Variants in RBFOX1 observed in about 807,000 individuals in gnomAD.
RBFOX1 encodes the protein RNA binding protein fox-1 homolog 1.
Under a neutral mutation model 57.7 loss-of-function variants are expected in RBFOX1, and 8 were observed. That is an observed-to-expected ratio of 0.14 (90% CI 0.08 to 0.25). RBFOX1 has a LOEUF of 0.25. Among genes scored for constraint, RBFOX1 ranks in the 10% least tolerant of loss-of-function variants. The pLI, the probability that RBFOX1 is intolerant of heterozygous loss-of-function variation, is 1.00. For synonymous variants in RBFOX1, 326 were observed against 222.4 expected (o/e 1.47, Z -4.15); for missense variants, 611 against 548.5 (o/e 1.11, Z -1.14).
intron 2 of RBFOX1, among the ~76,000 whole-genome samples, chr16:6,488,459 T>C (rs1294046925): frequency 6.6e-6 from 1 of 152,188 alleles, no homozygotes; most frequent in Non-Finnish European, 1.5e-5. Context: ...CATCAGACAT[T>C]GGACGAGGAG....
intron 11 of RBFOX1, among the ~76,000 whole-genome samples, chr16:7,645,397 C>T (rs2215277): frequency 3.9e-5 from 6 of 151,986 alleles, no homozygotes; most frequent in African/African-American, 1.5e-4. Context: ...GGGACAATCC[C>T]TGAGTCATTT....
chr16:6,748,461 G>C (rs1241589068), intron 3 of RBFOX1, among the ~76,000 whole-genome samples: 11 of 152,068 alleles, frequency 7.2e-5, no homozygotes, highest in Admixed American at 7.2e-4. Context: ...AGGAGTTCAA[G>C]ACCAGCCTGG....
chr16:5,846,103 A>G (rs1256625285), intron 3 of RBFOX1, among the ~76,000 whole-genome samples: 1 of 151,800 alleles, frequency 6.6e-6, no homozygotes, highest in Non-Finnish European at 1.5e-5. Flanking sequence ...AATCACTTGA[A>G]CCTTGGAGGC....
At chr16:7,394,222 C>T (rs190658726) in intron 4 of RBFOX1, among the ~76,000 whole-genome samples, 2 of 90,888 alleles carry the variant, frequency 2.2e-5, no homozygotes, top group African/African-American at 4.6e-5. Context: ...GGCAACAGAG[C>T]AAGACTCCGC....
intron 4 of RBFOX1, among the ~76,000 whole-genome samples, chr16:7,508,704 C>T (rs1229380299): frequency 6.6e-6 from 1 of 152,128 alleles, no homozygotes; most frequent in Non-Finnish European, 1.5e-5. Context: ...AAACCTCGCC[C>T]AGGGGCCACC....
At chr16:7,367,786 C>T in intron 4 of RBFOX1, among the ~76,000 whole-genome samples, 1 of 151,788 alleles carries the variant, frequency 6.6e-6, no homozygotes, top group East Asian at 1.9e-4. Context: ...TCTGATATTT[C>T]AAAAGAAGGT....
chr16:6,880,147 C>G (rs777968577), intron 3 of RBFOX1, among the ~76,000 whole-genome samples: 1 of 152,090 alleles, frequency 6.6e-6, no homozygotes, highest in African/African-American at 2.4e-5. Flanking sequence ...GTTAGATGCA[C>G]AGTTCTCTAA....
chr16:6,917,056 G>C (rs374400615), intron 3 of RBFOX1, among the ~76,000 whole-genome samples: 16 of 152,166 alleles, frequency 1.1e-4, no homozygotes, highest in African/African-American at 3.9e-4. Context: ...CCATGTTGTT[G>C]GACAGGCTAG....
chr16:7,662,259 A>G (rs183025239), intron 12 of RBFOX1, among the ~76,000 whole-genome samples: 1 of 152,200 alleles, frequency 6.6e-6, no homozygotes. Context: ...CTCATGAAAA[A>G]TACATTGTTT....
chr16:7,600,106 G>C (rs2094931423), intron 9 of RBFOX1, among the ~76,000 whole-genome samples: 1 of 152,092 alleles, frequency 6.6e-6, no homozygotes, highest in South Asian at 2.1e-4. Flanking sequence ...ATTTTGGCAT[G>C]CACATCCCAT....
intron 3 of RBFOX1, chr16:5,867,163 TGTGTGTGTGTG>T: frequency 2.4e-6 from 1 of 412,100 alleles, no homozygotes; most frequent in Non-Finnish European, 4.2e-6. Context: ...TGTGTGTGTG[TGTGTGTGTGTG>T]GTGTGTGTTG....
chr16:6,176,489 G>C (rs1191953313), intron 1 of RBFOX1, among the ~76,000 whole-genome samples: 1 of 149,966 alleles, frequency 6.7e-6, no homozygotes, highest in East Asian at 1.9e-4. Context: ...TAAAGTTGCT[G>C]TGCCTCCTTT....
At chr16:5,634,688 C>T (rs80119881) in intron 3 of RBFOX1, among the ~76,000 whole-genome samples, 2,045 of 152,224 alleles carry the variant, frequency 0.013, 66 homozygotes, top group South Asian at 0.099. Context: ...TTGCAGGAGG[C>T]AGCAAATTGG....
intron 4 of RBFOX1, among the ~76,000 whole-genome samples, chr16:7,143,146 C>T (rs936705681): frequency 6.6e-6 from 1 of 151,964 alleles, no homozygotes; most frequent in Non-Finnish European, 1.5e-5. Context: ...AAGCAAAAAG[C>T]CGTACGTGTT....
chr16:6,357,844 G>A (rs527952905), intron 2 of RBFOX1, among the ~76,000 whole-genome samples: 2 of 152,018 alleles, frequency 1.3e-5, no homozygotes, highest in South Asian at 2.1e-4. Flanking sequence ...CCAACTACTT[G>A]GGAGGCTGAG....
chr16:7,124,524 C>G (rs62014153), intron 4 of RBFOX1, among the ~76,000 whole-genome samples: 1 of 83,900 alleles, frequency 1.2e-5, no homozygotes. Flanking sequence ...CCCCTCCCCT[C>G]CCCTCCTTCC....
intron 4 of RBFOX1, among the ~76,000 whole-genome samples, chr16:7,248,332 C>A (rs188541072): frequency 3.9e-5 from 6 of 152,274 alleles, no homozygotes; most frequent in Admixed American, 2.6e-4. Flanking sequence ...AAGGACCGTG[C>A]TGTTGGCCAT....
At chr16:6,336,085 C>A (rs1237363918) in intron 2 of RBFOX1, among the ~76,000 whole-genome samples, 1 of 119,602 alleles carries the variant, frequency 8.4e-6, no homozygotes, top group Non-Finnish European at 1.7e-5. Context: ...AATGGAACAA[C>A]AAATGGATAC....
intron 1 of RBFOX1, among the ~76,000 whole-genome samples, chr16:6,264,122 C>T (rs960611338): frequency 3.3e-5 from 5 of 152,208 alleles, no homozygotes; most frequent in African/African-American, 1.2e-4. Flanking sequence ...ACTTCTTCTA[C>T]TGCCTGCCCA....
Sources: allele counts gnomAD v4.1 joint callset (sites outside exome capture counted in the v4.1 genomes callset), GRCh38; gene constraint gnomAD v4.1.1; transcripts MANE v1.5; gene names NCBI Gene and HGNC (gene_info 2026-07-23, HGNC 2026-07-21).